The following EHBP1 variants were observed in gnomAD, a reference collection of about 807,000 sequenced individuals.
EHBP1 encodes EH domain-binding protein 1.
EHBP1 carries 55 observed loss-of-function variants against 144.0 expected under a neutral mutation model. The ratio of observed to expected loss-of-function variants is 0.38; its 90% CI spans 0.31 to 0.48. The LOEUF (loss-of-function observed/expected upper bound fraction) is 0.48. EHBP1 is among the 20% of genes least tolerant of loss of function. The probability of loss-of-function intolerance (pLI) is 0.98; values close to 1 mark genes in which losing one functional copy is unlikely to be tolerated. For missense variants in EHBP1, 1,200 were observed against 1,364.2 expected (o/e 0.88, Z 1.90); for synonymous variants, 469 against 472.7 (o/e 0.99, Z 0.10).
At chr2:62,721,603 TA>T (rs777386314) in intron 2 of EHBP1, among the ~76,000 whole-genome samples, 29 of 152,246 alleles carry the variant, frequency 1.9e-4, no homozygotes, top group Non-Finnish European at 4.1e-4. Context: ...TATTTTTCTT[TA>T]AAGTTTTGGT....
chr2:62,801,830 A>G (rs1316854685), intron 5 of EHBP1, among the ~76,000 whole-genome samples: 3 of 152,262 alleles, frequency 2.0e-5, no homozygotes, highest in African/African-American at 7.2e-5. Flanking sequence ...AAATTTGTAC[A>G]TTCATTCACC....
chr2:62,830,962 A>G (rs1008663499), intron 6 of EHBP1, 57 bp from the exon 7 acceptor site: 1 of 1,547,860 alleles, frequency 6.5e-7, no homozygotes, highest in Non-Finnish European at 8.7e-7. Context: ...TTAAGAAACC[A>G]TCATTTTTCT....
chr2:62,960,877 T>C (rs1193638628), intron 14 of EHBP1, among the ~76,000 whole-genome samples: 2 of 152,226 alleles, frequency 1.3e-5, no homozygotes, highest in Non-Finnish European at 2.9e-5. Flanking sequence ...TATCATTCTT[T>C]CCTTGCTATT....
chr2:63,001,265 C>T (rs1015030908), intron 19 of EHBP1, among the ~76,000 whole-genome samples: 13 of 152,184 alleles, frequency 8.5e-5, no homozygotes, highest in African/African-American at 3.1e-4. Flanking sequence ...AAAATTGCAT[C>T]TTGCAAGTTT....
chr2:62,875,199 G>A (rs909444844), intron 10 of EHBP1, among the ~76,000 whole-genome samples: 1 of 152,176 alleles, frequency 6.6e-6, no homozygotes, highest in Non-Finnish European at 1.5e-5. Context: ...GAACCTCACT[G>A]CTGCCACCCC....
chr2:62,716,922 G>C (rs2035742264), intron 2 of EHBP1, among the ~76,000 whole-genome samples: 1 of 152,158 alleles, frequency 6.6e-6, no homozygotes, highest in Admixed American at 6.5e-5. Context: ...CGTGATGACT[G>C]TTCATTTCTT....
chr2:62,683,658 CAAAAAAAAA>C (rs397936534), intron 1 of EHBP1, among the ~76,000 whole-genome samples: 1 of 50,142 alleles, frequency 2.0e-5, no homozygotes, highest in African/African-American at 9.3e-5. Context: ...GACTCCATCT[CAAAAAAAAA>C]AAAAAAAAAA....
rs745781265 is a variant in EHBP1, at chr2:63,045,415, A to T, written c.3398A>T (p.Glu1133Val). 6.2e-7 allele frequency: 1 copy of T among 1,613,936 alleles called. No individual in the cohort carries two copies. The highest frequency in any genetic ancestry group is 1.1e-5 in the South Asian group (1 of 91,072). ...RDLDAQEKQA[E>V]EEDEHLERTL... Reference sequence around the variant, plus strand: ...CCTGTTTGTCTGACATCCAGGGCCGAAGAAGAAGATGAGCATTTGGAGCGA... The same window carrying T: ...CCTGTTTGTCTGACATCCAGGGCCGTAGAAGAAGATGAGCATTTGGAGCGA... The change falls in exon 23 of 23, where the codon GAA (glutamate) becomes GTA (valine). Residue 1133 changes from glutamate to valine, a missense_variant. This residue lies in a region of EHBP1 where 149 missense variants were observed against 217.0 expected (regional missense o/e 0.69). Coordinates refer to ENST00000431489, the MANE Select transcript of EHBP1 (RefSeq NM_001142616.3). This position sits in a 1 kb window ranked among gnomAD's most constrained non-coding sequence, Gnocchi z 5.7.
intron 3 of EHBP1, 76 bp from the exon 4 acceptor site, chr2:62,764,190 A>G (rs574345929): frequency 2.9e-6 from 3 of 1,031,500 alleles, no homozygotes; most frequent in East Asian, 2.7e-5. Flanking sequence ...TATTGAAGGT[A>G]TCATTTTATT....
At chr2:63,034,817 C>G (rs537859618) in intron 19 of EHBP1, among the ~76,000 whole-genome samples, 2 of 151,866 alleles carry the variant, frequency 1.3e-5, no homozygotes, top group Non-Finnish European at 2.9e-5. Flanking sequence ...TCATCTTGTT[C>G]TTTTTTTCCT....
chr2:62,690,541 C>T (rs559397784), intron 1 of EHBP1, among the ~76,000 whole-genome samples: 20 of 151,822 alleles, frequency 1.3e-4, no homozygotes, highest in Non-Finnish European at 2.8e-4. Flanking sequence ...CCAGCCTGGG[C>T]GACAGAGCAA....
intron 1 of EHBP1, among the ~76,000 whole-genome samples, chr2:62,692,212 A>G (rs1357375695): frequency 6.6e-6 from 1 of 152,224 alleles, no homozygotes; most frequent in Non-Finnish European, 1.5e-5. Context: ...TCAATGCTTC[A>G]TTCATTTTTA....
At chr2:63,019,267 T>C (rs1338212625) in intron 19 of EHBP1, among the ~76,000 whole-genome samples, 1 of 152,226 alleles carries the variant, frequency 6.6e-6, no homozygotes, top group Non-Finnish European at 1.5e-5. Context: ...AGTGAAGATG[T>C]GCTAAACTCA....
chr2:62,693,008 C>T (rs1399784926), intron 1 of EHBP1, among the ~76,000 whole-genome samples: 2 of 151,876 alleles, frequency 1.3e-5, no homozygotes, highest in East Asian at 1.9e-4. Context: ...TGACCCCTAC[C>T]CCTTTCCCCT....
intron 7 of EHBP1, among the ~76,000 whole-genome samples, chr2:62,832,457 T>A (rs1003689878): frequency 3.3e-5 from 5 of 149,812 alleles, no homozygotes; most frequent in South Asian, 2.1e-4. Flanking sequence ...TTTTTTTTTT[T>A]ACAAATTGAA....
At chr2:62,962,034 A>G (rs373680001) in intron 14 of EHBP1, among the ~76,000 whole-genome samples, 1 of 152,192 alleles carries the variant, frequency 6.6e-6, no homozygotes, top group Non-Finnish European at 1.5e-5. Context: ...TCTCAAAAAA[A>G]TAAAAATAGA....
At chr2:63,043,493 G>C (rs2061766654) in intron 21 of EHBP1, among the ~76,000 whole-genome samples, 1 of 152,142 alleles carries the variant, frequency 6.6e-6, no homozygotes, top group African/African-American at 2.4e-5. Context: ...GTATGTGTTA[G>C]AGCTTATAAT....
chr2:62,794,406 A>G (rs1292240813), intron 5 of EHBP1, among the ~76,000 whole-genome samples: 1 of 152,118 alleles, frequency 6.6e-6, no homozygotes, highest in Non-Finnish European at 1.5e-5. Context: ...TAGAATAGAC[A>G]GCATTTTACA....
chr2:62,841,329 G>T (rs1381980163), intron 7 of EHBP1, among the ~76,000 whole-genome samples: 5 of 139,540 alleles, frequency 3.6e-5, no homozygotes, highest in Non-Finnish European at 7.6e-5. Context: ...ATCACACTCT[G>T]GGGACTGTGG....
Sources: gnomAD v4.1 joint callset for allele counts (sites outside exome capture counted in the v4.1 genomes callset) on GRCh38, gnomAD v4.1.1 for gene constraint, gnomAD v4.1.1 regional missense constraint, Gnocchi (gnomAD v3.1) non-coding constraint, MANE v1.5 for transcripts, NCBI Gene and HGNC (gene_info 2026-07-23, HGNC 2026-07-21) for gene names.